The following PRH1 variants were observed in gnomAD, a reference collection of about 807,000 sequenced individuals.
PRH1 encodes the protein salivary acidic proline-rich phosphoprotein 1/2.
In PRH1, 7 loss-of-function variants were observed where a neutral mutation model predicts 7.9. That is an observed-to-expected ratio of 0.89 (90% CI 0.50 to 1.67). PRH1 has a LOEUF of 1.67. Ranked by LOEUF, PRH1 falls within the 40% of genes most tolerant of loss-of-function variation. PRH1 has a pLI of 0.00. For missense variants in PRH1, 109 were observed against 223.6 expected, an observed-to-expected ratio of 0.49 and a Z score of 3.27; for synonymous variants, 45 against 80.8, an observed-to-expected ratio of 0.56 and a Z score of 2.38.
At chr12:10,955,757 C>A (rs1210271443) in intron 2 of PRH1, among the ~76,000 whole-genome samples, 1 of 152,002 alleles carries the variant, frequency 6.6e-6, no homozygotes, top group Non-Finnish European at 1.5e-5. Context: ...TTACCACTGA[C>A]CCCACTGAAA....
At chr12:10,913,960 C>G (rs1322699246) in intron 2 of PRH1, among the ~76,000 whole-genome samples, 1 of 152,290 alleles carries the variant, frequency 6.6e-6, no homozygotes, top group East Asian at 1.9e-4. Context: ...CTTGTTAGTA[C>G]AGCATAGACT....
intron 1 of PRH1, among the ~76,000 whole-genome samples, chr12:11,124,079 T>G (rs1158722154): frequency 6.6e-6 from 1 of 152,202 alleles, no homozygotes; most frequent in East Asian, 1.9e-4. Context: ...ACCTTCAATT[T>G]GAAAGAAACC....
intron 1 of PRH1, among the ~76,000 whole-genome samples, chr12:11,161,613 T>G (rs1404876121): frequency 6.6e-6 from 1 of 152,136 alleles, no homozygotes; most frequent in Non-Finnish European, 1.5e-5. Context: ...AAGAATTGAC[T>G]GGTTTGCAAA....
chr12:11,092,890 T>C (rs1944974451), intron 1 of PRH1, among the ~76,000 whole-genome samples: 1 of 115,126 alleles, frequency 8.7e-6, no homozygotes. Context: ...GAAATAACCA[T>C]GGCATGTTAA....
At chr12:10,972,692 T>C (rs1938875567) in intron 2 of PRH1, among the ~76,000 whole-genome samples, 1 of 152,182 alleles carries the variant, frequency 6.6e-6, no homozygotes, top group Admixed American at 6.5e-5. Context: ...ATAGATTATA[T>C]ATTGGATATC....
At chr12:10,963,736 T>C (rs1938367160) in intron 2 of PRH1, among the ~76,000 whole-genome samples, 1 of 152,240 alleles carries the variant, frequency 6.6e-6, no homozygotes, top group South Asian at 2.1e-4. Flanking sequence ...GTTGTTCACA[T>C]ATTTGTATAA....
Position 11,097,653 on chromosome 12 carries a change from T to C in PRH1, n.124-50465A>G, listed in dbSNP as rs1367188598. ...TACTATTGTAACTTTCCCACAATGA[T>C]GATCTTTTTAAAATTACTTATTTTC... On this transcript the variant is annotated intron_variant and non_coding_transcript_variant, in intron 1 of 4. Coordinates refer to the PRH1 transcript ENST00000541977. Among the ~76,000 whole-genome samples, 3 of 114,628 alleles carry C rather than the reference T, an allele frequency of 2.6e-5. No homozygotes were observed. In the East Asian group the frequency reaches 6.3e-4, roughly 24 times the overall value. The allele number at this position is 114,628 out of a possible 152,430, so 75.2% of individuals were successfully genotyped here.
intron 1 of PRH1, among the ~76,000 whole-genome samples, chr12:11,013,493 G>A (rs1041397722): frequency 6.6e-6 from 1 of 152,016 alleles, no homozygotes; most frequent in Non-Finnish European, 1.5e-5. Flanking sequence ...AGTGAGATTA[G>A]TAACTAAGAT....
chr12:11,062,709 A>T (rs1943665570), intron 1 of PRH1, among the ~76,000 whole-genome samples: 1 of 152,064 alleles, frequency 6.6e-6, no homozygotes, highest in Non-Finnish European at 1.5e-5. Context: ...GTTGTTAGGG[A>T]AGTTTTATAA....
At chr12:11,066,805 C>T (rs1360908025) in intron 1 of PRH1, among the ~76,000 whole-genome samples, 1 of 151,578 alleles carries the variant, frequency 6.6e-6, no homozygotes, top group African/African-American at 2.4e-5. Flanking sequence ...AGCATCAGGC[C>T]TAGAGAAGTA....
intron 1 of PRH1, among the ~76,000 whole-genome samples, chr12:11,153,825 G>A (rs1330053372): frequency 6.6e-6 from 1 of 152,044 alleles, no homozygotes; most frequent in Non-Finnish European, 1.5e-5. Context: ...TGAGATATAT[G>A]AGTAGAAATG....
At chr12:11,154,203 C>A (rs1947187079) in intron 1 of PRH1, among the ~76,000 whole-genome samples, 2 of 152,254 alleles carry the variant, frequency 1.3e-5, no homozygotes, top group Admixed American at 6.5e-5. Context: ...ATCAATAATT[C>A]TTTTAATTCT....
intron 2 of PRH1, among the ~76,000 whole-genome samples, chr12:10,902,238 T>C (rs1342293105): frequency 6.6e-6 from 1 of 151,996 alleles, no homozygotes; most frequent in Non-Finnish European, 1.5e-5. Context: ...TCATATAAAG[T>C]ACAATCTCTC....
intron 1 of PRH1, among the ~76,000 whole-genome samples, chr12:11,115,166 T>C (rs1359624488): frequency 6.6e-6 from 1 of 152,088 alleles, no homozygotes; most frequent in African/African-American, 2.4e-5. Flanking sequence ...GAAACACACT[T>C]TGTCTATAAA....
chr12:10,904,797 CAA>C (rs757451766), intron 2 of PRH1, among the ~76,000 whole-genome samples: 3 of 151,944 alleles, frequency 2.0e-5, no homozygotes, highest in Non-Finnish European at 4.4e-5. Flanking sequence ...TCTAATATCC[CAA>C]ATCTATAAGG....
At chr12:10,887,787 GTTGA>G (rs1949515185), upstream of PRH1, among the ~76,000 whole-genome samples, 1 of 152,122 alleles carries the variant, frequency 6.6e-6, no homozygotes, top group South Asian at 2.1e-4. Flanking sequence ...GAAAAATTAA[GTTGA>G]TTTTCTCTTC....
At chr12:11,104,663 A>G (rs1291468827) in intron 1 of PRH1, among the ~76,000 whole-genome samples, 2 of 144,768 alleles carry the variant, frequency 1.4e-5, no homozygotes, top group African/African-American at 5.1e-5. Context: ...ATGTGTATGT[A>G]TATGTATTCT....
At chr12:11,158,067 C>T (rs1947306822) in intron 1 of PRH1, among the ~76,000 whole-genome samples, 2 of 152,156 alleles carry the variant, frequency 1.3e-5, no homozygotes, top group Admixed American at 1.3e-4. Context: ...CCATGATTTA[C>T]CAGCTATTTT....
chr12:10,943,178 C>T (rs1245748553), intron 2 of PRH1, among the ~76,000 whole-genome samples: 1 of 152,188 alleles, frequency 6.6e-6, no homozygotes, highest in Non-Finnish European at 1.5e-5. Context: ...TTCACAAGCT[C>T]CTCTGTCTTT....
Sources: allele counts gnomAD v4.1 joint callset (sites outside exome capture counted in the v4.1 genomes callset), GRCh38; gene constraint gnomAD v4.1.1; transcripts MANE v1.5; gene names NCBI Gene and HGNC (gene_info 2026-07-23, HGNC 2026-07-21).